The following ZNF273 variants were observed in gnomAD, a reference collection of about 807,000 sequenced individuals.
ZNF273 encodes the protein zinc finger protein 273, also known as zinc finger protein 9.
ZNF273 carries 11 observed loss-of-function variants against 14.9 expected under a neutral mutation model. The observed-to-expected ratio is 0.74, with a 90% confidence interval of 0.46 to 1.22. The LOEUF (loss-of-function observed/expected upper bound fraction) is 1.22, where lower values mean the gene tolerates loss of function less well. ZNF273 is among the 50% of genes most tolerant of loss of function. ZNF273 has a pLI of 0.00. For missense variants in ZNF273, 577 were observed against 660.6 expected (o/e 0.87, Z 1.39); for synonymous variants, 199 against 223.9 (o/e 0.89, Z 0.99).
the ZNF273 span, among the ~76,000 whole-genome samples, chr7:64,936,650 C>T: frequency 6.6e-6 from 1 of 152,102 alleles, no homozygotes; most frequent in Non-Finnish European, 1.5e-5. Flanking sequence ...AAATGTCAAA[C>T]AAATTTTATA....
chr7:64,903,394 C>T lies in ZNF273; in HGVS notation c.77C>T (p.Pro26Leu). ...ATTGGGAGATCCACAGCTAAGACGC[C>T]AGGACTCCCTGGAAGCCTAGAAATG... Reference protein sequence around the residue: ...AGIGRSTAKTPGLPGSLEMGP... With the variant: ...AGIGRSTAKTLGLPGSLEMGP... The change falls in exon 1 of 4, where the codon CCA becomes CTA. Residue 26 changes from proline (P) to leucine (L), a missense_variant. Physicochemically the swap from Pro to Leu is moderately conservative, Grantham distance 98. Transcript: ENST00000476120. 6.2e-7 allele frequency: 1 copy of T among 1,613,412 alleles called. No homozygotes were observed. The highest frequency in any genetic ancestry group is 8.5e-7 in the Non-Finnish European group (1 of 1,179,472).
At chr7:64,926,625 C>A (rs535397850) in intron 3 of ZNF273, among the ~76,000 whole-genome samples, 1 of 151,932 alleles carries the variant, frequency 6.6e-6, no homozygotes, top group Non-Finnish European at 1.5e-5. Flanking sequence ...TTGATGAGGC[C>A]ATGTTGCCTT....
upstream of ZNF273, among the ~76,000 whole-genome samples, chr7:64,902,713 CAGAG>C (rs35692753): frequency 2.6e-5 from 4 of 151,966 alleles, no homozygotes; most frequent in East Asian, 1.9e-4. Context: ...CCGAAAGAGA[CAGAG>C]AGAGAGAAAG....
intron 1 of ZNF273, chr7:64,888,541 G>T: frequency 1.0e-6 from 1 of 985,826 alleles, no homozygotes; most frequent in Non-Finnish European, 1.2e-6. Context: ...AAACCCATTC[G>T]TTCTTTATTA....
rs6976001 is a variant in ZNF273 at position 64,888,153 on chromosome 7, T to G, written n.274-420T>G. Reference sequence around the variant, plus strand: ...TGGGAACCTCTACCAGACCTGTGCTTCTTCCACCTGGGGAGCCCCCGGGGC... The same window carrying G: ...TGGGAACCTCTACCAGACCTGTGCTGCTTCCACCTGGGGAGCCCCCGGGGC... On this transcript the variant is annotated intron_variant and non_coding_transcript_variant, in intron 1 of 1. Coordinates refer to the ZNF273 transcript ENST00000471926. Among the ~76,000 whole-genome samples, 434 of 152,278 alleles carry G rather than the reference T, an allele frequency of 2.9e-3. 3 individuals carry two copies. Among genetic ancestry groups the G allele is most frequent in the African/African-American group, 0.01 (425 of 41,558 alleles).
downstream of ZNF273, among the ~76,000 whole-genome samples, chr7:64,893,214 T>G (rs991900994): frequency 2.6e-5 from 4 of 152,218 alleles, no homozygotes; most frequent in African/African-American, 9.6e-5. Flanking sequence ...TCTGTATCAT[T>G]AAGACTCATC....
intron 1 of ZNF273, among the ~76,000 whole-genome samples, chr7:64,916,369 G>GCA (rs762863213): frequency 0.13 from 18,048 of 134,902 alleles, 1,653 homozygotes; most frequent in East Asian, 0.2. Flanking sequence ...TACTAAAAAT[G>GCA]TAAAAAAAAA....
downstream of ZNF273, among the ~76,000 whole-genome samples, chr7:64,932,688 G>A (rs1278127764): frequency 2.6e-5 from 4 of 152,074 alleles, no homozygotes; most frequent in African/African-American, 9.7e-5. Flanking sequence ...TTGGGAGCCT[G>A]AGCTGGGTGG....
chr7:64,894,480 T>G (rs1381943386), downstream of ZNF273, among the ~76,000 whole-genome samples: 1 of 152,184 alleles, frequency 6.6e-6, no homozygotes, highest in Non-Finnish European at 1.5e-5. Context: ...ATGTATATAA[T>G]ATGACATTTA....
downstream of ZNF273, among the ~76,000 whole-genome samples, chr7:64,883,285 C>T (rs1791370529): frequency 6.7e-6 from 1 of 149,942 alleles, no homozygotes; most frequent in South Asian, 2.1e-4. Context: ...GAGAAACCTC[C>T]GAGCGCCTCC....
At chr7:64,889,889 G>T, downstream of ZNF273, 1 of 460,072 alleles carries the variant, frequency 2.2e-6, no homozygotes, top group Non-Finnish European at 2.9e-6. This position sits in a 1 kb window ranked among gnomAD's most constrained non-coding sequence, Gnocchi z 4.2. Context: ...TTTGCTGGCA[G>T]TCAGAGACCA....
At chr7:64,915,751 T>G (rs1348102449) in intron 1 of ZNF273, among the ~76,000 whole-genome samples, 2 of 152,216 alleles carry the variant, frequency 1.3e-5, no homozygotes, top group Admixed American at 1.3e-4. Flanking sequence ...GGGGGGCCTG[T>G]TTCCAACAAG....
At chr7:64,911,465 G>A (rs62455122) in intron 1 of ZNF273, among the ~76,000 whole-genome samples, 5,926 of 152,016 alleles carry the variant, frequency 0.039, 183 homozygotes, top group East Asian at 0.15. Flanking sequence ...GTTTCTCCAT[G>A]TTGGTCAGGC....
Position 64,927,825 on chromosome 7 carries a change from T to G in ZNF273, c.497T>G (p.Leu166Arg). ...HKVHKRGYNG[L>R]NQCLTTTQSK... ...GTGCACAAAAGAGGTTATAATGGAC[T>G]TAACCAATGTTTGACAACTACCCAG... The change falls in exon 4 of 4, where the codon CTT becomes CGT. Residue 166 changes from leucine (L) to arginine (R), a missense_variant. Leu to Arg is a moderately radical substitution (Grantham distance 102). This residue lies in a region of ZNF273 where 162 missense variants were observed against 203.5 expected (regional missense o/e 0.80). Coordinates refer to ENST00000476120, the MANE Select transcript of ZNF273 (RefSeq NM_021148.3). The G allele has an allele frequency of 6.2e-7, 1 of 1,614,070 alleles. No homozygotes were observed. Among genetic ancestry groups the G allele is most frequent in the South Asian group, 1.1e-5 (1 of 91,060 alleles).
chr7:64,928,970 GAC>G lies in ZNF273; in HGVS notation c.1644_1645del (p.Asp548GlufsTer4), dbSNP rs770819691. The G allele has an allele frequency of 1.9e-6, 3 of 1,601,136 alleles. No individual in the cohort carries two copies. The highest frequency in any genetic ancestry group is 1.7e-4 in the Middle Eastern group (1 of 5,960). On this transcript the variant is annotated frameshift_variant, in exon 4 of 4. Transcript: ENST00000476120. LOFTEE classifies it low-confidence loss of function (END_TRUNC). Reference protein sequence around the residue: ...GEKPYKPKRCDSAFDNTPNFS... With the variant: ...GEKPYKPKRCXSAFDNTPNFS... The stretch of plus-strand genomic sequence containing the variant: ...GAAACCATACAAACCTAAAAGATGT[GAC>G]AGTGCTTTTGACAACACCCCAAACT...
At position 64,927,845 on chromosome 7, in the gene ZNF273, A is replaced by G. The variant is rs1423252650; in HGVS notation, c.517A>G (p.Thr173Ala). 11 of 1,613,958 alleles carry G rather than the reference A, an allele frequency of 6.8e-6. No individual in the cohort carries two copies. Among genetic ancestry groups the G allele is most frequent in the Non-Finnish European group, 9.3e-6 (11 of 1,179,988 alleles). The change falls in exon 4 of 4, where the codon ACC becomes GCC. Residue 173 changes from threonine to alanine, a missense_variant. Physicochemically the swap from Thr to Ala is moderately conservative, Grantham distance 58 (BLOSUM62 0). This residue lies in a region of ZNF273 where 162 missense variants were observed against 203.5 expected (regional missense o/e 0.80). Coordinates refer to ENST00000476120, the MANE Select transcript of ZNF273 (RefSeq NM_021148.3). ...YNGLNQCLTT[T>A]QSKIFQCDKY... The stretch of plus-strand genomic sequence containing the variant: ...TGGACTTAACCAATGTTTGACAACT[A>G]CCCAGAGCAAAATATTTCAATGTGA...
At chr7:64,891,251 TA>T (rs1351434961), downstream of ZNF273, among the ~76,000 whole-genome samples, 1 of 152,216 alleles carries the variant, frequency 6.6e-6, no homozygotes, top group Non-Finnish European at 1.5e-5. Flanking sequence ...TCCTTATCTT[TA>T]AAATGGAGAC....
At chr7:64,884,024 T>C (rs796592008), downstream of ZNF273, among the ~76,000 whole-genome samples, 9 of 152,340 alleles carry the variant, frequency 5.9e-5, no homozygotes, top group African/African-American at 2.2e-4. Context: ...ATGATTCCTA[T>C]ATGATGGGAC....
At chr7:64,923,325 TTG>T (rs562829999) in intron 3 of ZNF273, 54 of 453,532 alleles carry the variant, frequency 1.2e-4, no homozygotes, top group African/African-American at 4.2e-4. Flanking sequence ...GTTGTTTGTT[TTG>T]TGTGTGTGTG....
Sources: allele counts gnomAD v4.1 joint callset (sites outside exome capture counted in the v4.1 genomes callset), GRCh38; gene constraint gnomAD v4.1.1; regional missense constraint gnomAD v4.1.1; non-coding constraint Gnocchi (gnomAD v3.1); transcripts MANE v1.5; gene names NCBI Gene and HGNC (gene_info 2026-07-23, HGNC 2026-07-21).